Variants in DLG2 observed in about 807,000 individuals in gnomAD.
The protein encoded by DLG2 is disks large homolog 2.
A neutral mutation model predicts 132.5 loss-of-function variants in DLG2; 45 were observed. The ratio of observed to expected loss-of-function variants is 0.34; its 90% CI spans 0.27 to 0.44. The LOEUF (loss-of-function observed/expected upper bound fraction) is 0.44, where lower values mean the gene tolerates loss of function less well. DLG2 is among the 20% of genes least tolerant of loss of function. DLG2 has a pLI of 1.00. For missense variants in DLG2, 1,045 were observed against 1,196.9 expected (o/e 0.87, Z 1.87); for synonymous variants, 424 against 419.6 (o/e 1.01, Z -0.13).
At chr11:84,302,579 G>C (rs2098167979) in intron 7 of DLG2, among the ~76,000 whole-genome samples, 1 of 152,038 alleles carries the variant, frequency 6.6e-6, no homozygotes, top group African/African-American at 2.4e-5. Context: ...CAGATAAAAG[G>C]ACTAAAAAGT....
At chr11:85,498,726 C>A (rs2093725905) in intron 3 of DLG2, among the ~76,000 whole-genome samples, 1 of 152,176 alleles carries the variant, frequency 6.6e-6, no homozygotes, top group Admixed American at 6.5e-5. Flanking sequence ...TCACAACAAA[C>A]TGTCTCTCAG....
intron 7 of DLG2, among the ~76,000 whole-genome samples, chr11:84,376,342 G>C (rs2154431785): frequency 6.6e-6 from 1 of 151,976 alleles, no homozygotes; most frequent in Non-Finnish European, 1.5e-5. Context: ...AAGGCAGGGA[G>C]GTGAAGGGAT....
intron 6 of DLG2, among the ~76,000 whole-genome samples, chr11:84,659,457 T>A (rs1024816999): frequency 6.6e-6 from 1 of 152,174 alleles, no homozygotes; most frequent in South Asian, 2.1e-4. Flanking sequence ...AATCTCTTGA[T>A]GTTTTCCAGA....
At chr11:84,992,668 T>C (rs1175085744) in intron 6 of DLG2, among the ~76,000 whole-genome samples, 2 of 152,234 alleles carry the variant, frequency 1.3e-5, no homozygotes, top group Non-Finnish European at 2.9e-5. Flanking sequence ...TTTTTTCATA[T>C]GTTTGTTGGC....
At chr11:84,106,979 G>GGTGTGTGTGT (rs35530888) in intron 9 of DLG2, among the ~76,000 whole-genome samples, 2 of 105,406 alleles carry the variant, frequency 1.9e-5, no homozygotes, top group African/African-American at 7.4e-5. Context: ...TTAGCCTTAG[G>GGTGTGTGTGT]GTGTGTGTGT....
chr11:85,477,661 C>T (rs1315018230), intron 3 of DLG2, among the ~76,000 whole-genome samples: 1 of 152,052 alleles, frequency 6.6e-6, no homozygotes, highest in African/African-American at 2.4e-5. Context: ...TAAAACATAC[C>T]ATTTTCACAA....
intron 4 of DLG2, among the ~76,000 whole-genome samples, chr11:85,168,516 T>A (rs2078618838): frequency 6.6e-6 from 1 of 152,042 alleles, no homozygotes; most frequent in Admixed American, 6.6e-5. Context: ...TTTAGGAGAA[T>A]CTTAGACATT....
intron 3 of DLG2, among the ~76,000 whole-genome samples, chr11:85,308,380 A>G (rs2080101740): frequency 1.3e-5 from 2 of 151,800 alleles, no homozygotes; most frequent in South Asian, 4.1e-4. Context: ...GCCGATTTCT[A>G]CAGACTAAGT....
At chr11:84,461,856 T>A (rs1479080121) in intron 7 of DLG2, among the ~76,000 whole-genome samples, 1 of 150,864 alleles carries the variant, frequency 6.6e-6, no homozygotes, top group African/African-American at 2.4e-5. Flanking sequence ...ATTTTATGTA[T>A]TGTGTTTCTA....
intron 19 of DLG2, among the ~76,000 whole-genome samples, chr11:83,569,046 C>T (rs1267266780): frequency 6.6e-6 from 1 of 152,100 alleles, no homozygotes; most frequent in Non-Finnish European, 1.5e-5. Context: ...TTCACAACAT[C>T]CCAGTTTCAG....
At chr11:83,670,174 T>C (rs894749590) in intron 18 of DLG2, among the ~76,000 whole-genome samples, 3 of 152,166 alleles carry the variant, frequency 2.0e-5, no homozygotes, top group Admixed American at 2.0e-4. Flanking sequence ...TCTGCATTTC[T>C]CAAGAGTCTT....
At chr11:85,074,628 T>C (rs2066289032) in intron 6 of DLG2, among the ~76,000 whole-genome samples, 1 of 151,846 alleles carries the variant, frequency 6.6e-6, no homozygotes, top group Non-Finnish European at 1.5e-5. Flanking sequence ...GGACATCAAA[T>C]ATTCTCTTAA....
intron 3 of DLG2, among the ~76,000 whole-genome samples, chr11:85,527,544 C>G (rs977692740): frequency 1.3e-5 from 2 of 152,022 alleles, no homozygotes; most frequent in African/African-American, 4.8e-5. Context: ...TTTTATGGCT[C>G]CATAGTATTC....
At chr11:84,249,391 A>C (rs957867558) in intron 8 of DLG2, among the ~76,000 whole-genome samples, 2 of 152,180 alleles carry the variant, frequency 1.3e-5, no homozygotes, top group African/African-American at 4.8e-5. Context: ...AAAACAAGGG[A>C]GGGAAGAAAG....
At chr11:84,404,782 T>G (rs1038151028) in intron 7 of DLG2, among the ~76,000 whole-genome samples, 3 of 152,174 alleles carry the variant, frequency 2.0e-5, no homozygotes, top group Non-Finnish European at 4.4e-5. Flanking sequence ...AAGGAAAGAA[T>G]GTAGAAATAA....
chr11:84,972,900 C>A (rs1044438794), intron 6 of DLG2, among the ~76,000 whole-genome samples: 10 of 151,704 alleles, frequency 6.6e-5, no homozygotes, highest in Admixed American at 3.3e-4. Flanking sequence ...TCCCACTGTC[C>A]ATTGTATTCT....
chr11:84,908,919 A>G (rs914282640), intron 6 of DLG2, among the ~76,000 whole-genome samples: 3 of 151,842 alleles, frequency 2.0e-5, no homozygotes, highest in African/African-American at 7.3e-5. Flanking sequence ...CTGAAGAAAC[A>G]AAGGCTAAGA....
chr11:85,446,793 A>ATG (rs35097336), intron 3 of DLG2, among the ~76,000 whole-genome samples: 24,463 of 145,076 alleles, frequency 0.17, 2,064 homozygotes, highest in African/African-American at 0.22. Flanking sequence ...GATATAGTAT[A>ATG]TGTGTGTGTG....
At chr11:85,481,272 T>A (rs1253145135) in intron 3 of DLG2, among the ~76,000 whole-genome samples, 3 of 152,152 alleles carry the variant, frequency 2.0e-5, no homozygotes, top group Admixed American at 6.5e-5. Flanking sequence ...AAGATAAAAG[T>A]GTTATTGAGT....
Sources: allele counts gnomAD v4.1 joint callset (sites outside exome capture counted in the v4.1 genomes callset), GRCh38; gene constraint gnomAD v4.1.1; transcripts MANE v1.5; gene names NCBI Gene and HGNC (gene_info 2026-07-23, HGNC 2026-07-21).